ZBTB7C: variants seen among roughly 807,000 people sequenced by gnomAD.
ZBTB7C encodes zinc finger and BTB domain containing 7C, also known as zinc finger and BTB domain-containing protein 7C.
Under a neutral mutation model 25.7 loss-of-function variants are expected in ZBTB7C, and 8 were observed. The observed-to-expected ratio is 0.31, with a 90% confidence interval of 0.18 to 0.56. ZBTB7C has a LOEUF of 0.56. Ranked by LOEUF, ZBTB7C falls within the 20% of genes least tolerant of loss-of-function variation. The pLI is 0.91. For missense variants in ZBTB7C, 824 were observed against 855.2 expected, an observed-to-expected ratio of 0.96 and a Z score of 0.46; for synonymous variants, 394 against 369.0, an observed-to-expected ratio of 1.07 and a Z score of -0.78.
At chr18:48,136,746 T>C (rs1216460121) in intron 3 of ZBTB7C, among the ~76,000 whole-genome samples, 3 of 151,960 alleles carry the variant, frequency 2.0e-5, no homozygotes, top group Admixed American at 2.0e-4. Context: ...TCGGAAGAGG[T>C]GCGTGGCCCC....
intron 1 of ZBTB7C, among the ~76,000 whole-genome samples, chr18:48,378,105 C>T (rs908007490): frequency 4.6e-5 from 7 of 152,034 alleles, no homozygotes; most frequent in African/African-American, 1.2e-4. Context: ...GAGCCGAGAT[C>T]GCATCCTGGG....
chr18:48,112,799 C>T (rs2039293839), intron 3 of ZBTB7C, among the ~76,000 whole-genome samples: 1 of 152,198 alleles, frequency 6.6e-6, no homozygotes, highest in Admixed American at 6.5e-5. Context: ...ACTAAGACTA[C>T]CTAACAGAGG....
chr18:48,391,892 T>C (rs1260031637), intron 1 of ZBTB7C, among the ~76,000 whole-genome samples: 1 of 152,258 alleles, frequency 6.6e-6, no homozygotes, highest in African/African-American at 2.4e-5. Context: ...CAAGGAAAGC[T>C]CTAAGACCTC....
chr18:48,134,306 GAGTTAACAGGCC>G (rs1295529161), intron 3 of ZBTB7C, among the ~76,000 whole-genome samples: 5 of 152,142 alleles, frequency 3.3e-5, no homozygotes. Context: ...GATGGAAGGA[GAGTTAACAGGCC>G]AAACGCCCCA....
chr18:48,116,568 C>A (rs1259111116), intron 3 of ZBTB7C, among the ~76,000 whole-genome samples: 1 of 152,164 alleles, frequency 6.6e-6, no homozygotes, highest in African/African-American at 2.4e-5. Flanking sequence ...CGGGGGTCCG[C>A]CAGTTGCCGG....
intron 2 of ZBTB7C, among the ~76,000 whole-genome samples, chr18:48,264,102 C>T (rs1305457928): frequency 6.6e-6 from 1 of 152,210 alleles, no homozygotes; most frequent in African/African-American, 2.4e-5. Context: ...TGCAGTCCCA[C>T]CATTGCTGAG....
At chr18:48,115,221 G>A (rs895244680) in intron 3 of ZBTB7C, among the ~76,000 whole-genome samples, 20 of 151,398 alleles carry the variant, frequency 1.3e-4, no homozygotes, top group African/African-American at 4.8e-4. Context: ...GGTTTTCAAG[G>A]TTGTTCCATG....
At chr18:48,188,562 A>G (rs1351324940) in intron 2 of ZBTB7C, among the ~76,000 whole-genome samples, 3 of 152,130 alleles carry the variant, frequency 2.0e-5, no homozygotes, top group African/African-American at 7.2e-5. Context: ...ACACAGCCAA[A>G]CTATATCAGA....
At chr18:48,067,411 A>C (rs993090251) in intron 3 of ZBTB7C, among the ~76,000 whole-genome samples, 46 of 152,344 alleles carry the variant, frequency 3.0e-4, no homozygotes, top group Admixed American at 1.1e-3. Context: ...TGGCTAGGCC[A>C]TGGTATCCAC....
intron 1 of ZBTB7C, among the ~76,000 whole-genome samples, chr18:48,344,045 C>T (rs1201130474): frequency 6.6e-6 from 1 of 152,184 alleles, no homozygotes; most frequent in Admixed American, 6.5e-5. Context: ...AGTGCAGTGG[C>T]ACGATCTCGG....
chr18:48,353,835 C>T (rs1449908786), intron 1 of ZBTB7C, among the ~76,000 whole-genome samples: 1 of 152,130 alleles, frequency 6.6e-6, no homozygotes, highest in East Asian at 1.9e-4. Context: ...TGCCCACCAT[C>T]CTCACACAGC....
chr18:48,140,967 C>T (rs1019078512), intron 3 of ZBTB7C, among the ~76,000 whole-genome samples: 10 of 152,328 alleles, frequency 6.6e-5, no homozygotes, highest in South Asian at 2.1e-4. Context: ...CATTCCTGTT[C>T]TGCTCCTTCG....
At chr18:48,216,451 A>C (rs1296212345) in intron 2 of ZBTB7C, among the ~76,000 whole-genome samples, 1 of 152,134 alleles carries the variant, frequency 6.6e-6, no homozygotes, top group Non-Finnish European at 1.5e-5. Flanking sequence ...CAAAATGGGC[A>C]GCGAGGGCAA....
chr18:48,291,382 A>T (rs2045225155), intron 2 of ZBTB7C, among the ~76,000 whole-genome samples: 1 of 152,212 alleles, frequency 6.6e-6, no homozygotes, highest in African/African-American at 2.4e-5. Flanking sequence ...TCAACAAAGC[A>T]GCAACAAAAA....
At chr18:48,153,402 T>G (rs1472228658) in intron 3 of ZBTB7C, among the ~76,000 whole-genome samples, 1 of 152,154 alleles carries the variant, frequency 6.6e-6, no homozygotes, top group African/African-American at 2.4e-5. Context: ...ACCCACTCTC[T>G]TTCTGTTTCT....
chr18:48,146,174 C>T (rs2040493294), intron 3 of ZBTB7C, among the ~76,000 whole-genome samples: 1 of 152,016 alleles, frequency 6.6e-6, no homozygotes, highest in Non-Finnish European at 1.5e-5. Context: ...TTTTGATAAA[C>T]AATCCAAGCA....
At chr18:48,241,769 C>T (rs748605416) in intron 2 of ZBTB7C, among the ~76,000 whole-genome samples, 2 of 151,978 alleles carry the variant, frequency 1.3e-5, no homozygotes, top group African/African-American at 4.8e-5. Context: ...GCGCACAAAT[C>T]GACAATCTAA....
At chr18:48,111,723 T>C (rs2039248189) in intron 3 of ZBTB7C, among the ~76,000 whole-genome samples, 2 of 152,180 alleles carry the variant, frequency 1.3e-5, no homozygotes, top group Admixed American at 6.5e-5. Flanking sequence ...CTGCACTCAC[T>C]CATTATTAAA....
chr18:48,303,652 C>A (rs1395345570), intron 2 of ZBTB7C, among the ~76,000 whole-genome samples: 2 of 152,088 alleles, frequency 1.3e-5, no homozygotes, highest in African/African-American at 2.4e-5. Flanking sequence ...TGGAGGGGAG[C>A]AATAGGCTGG....
Sources: allele counts gnomAD v4.1 joint callset (sites outside exome capture counted in the v4.1 genomes callset), GRCh38; gene constraint gnomAD v4.1.1; transcripts MANE v1.5; gene names NCBI Gene and HGNC (gene_info 2026-07-23, HGNC 2026-07-21).